KCNJ6: variants seen among roughly 807,000 people sequenced by gnomAD.
KCNJ6 encodes G protein-activated inward rectifier potassium channel 2.
Under a neutral mutation model 34.2 loss-of-function variants are expected in KCNJ6, and 9 were observed. The ratio of observed to expected loss-of-function variants is 0.26; its 90% CI spans 0.16 to 0.46. The LOEUF is 0.46. Among genes scored for constraint, KCNJ6 ranks in the 20% least tolerant of loss-of-function variants. The pLI is 1.00. For synonymous variants in KCNJ6, 196 were observed against 207.1 expected (o/e 0.95, Z 0.46); for missense variants, 236 against 531.3 (o/e 0.44, Z 5.46).
At position 37,625,297 on chromosome 21, in the gene KCNJ6, C is replaced by G; in HGVS notation, c.1134G>C (p.Glu378Asp). ...KELAELASRA[E>D]LPLSWSVSSK... ...TGGATACAGACCAACTCAGGGGCAGCTCTGCCCTGCTGGCTAACTCGGCCA... is the reference window on the plus strand; with the variant it reads ...TGGATACAGACCAACTCAGGGGCAGGTCTGCCCTGCTGGCTAACTCGGCCA... The change falls in exon 4 of 4, where the codon GAG becomes GAC. Residue 378 changes from glutamate to aspartate, a missense_variant. Physicochemically the swap from Glu to Asp is conservative, Grantham distance 45. Transcript: ENST00000609713. The G allele has an allele frequency of 6.2e-7, 1 of 1,614,232 alleles. No homozygotes were observed. The highest frequency in any genetic ancestry group is 8.5e-7 in the Non-Finnish European group (1 of 1,180,024).
chr21:37,705,620 T>C (rs1237155706), intron 3 of KCNJ6, among the ~76,000 whole-genome samples: 2 of 152,158 alleles, frequency 1.3e-5, no homozygotes, highest in Admixed American at 6.5e-5. Context: ...ACAAGTATCA[T>C]TCCCATTTTT....
intron 3 of KCNJ6, among the ~76,000 whole-genome samples, chr21:37,626,567 C>T (rs1439057651): frequency 1.3e-5 from 2 of 152,126 alleles, no homozygotes; most frequent in African/African-American, 4.8e-5. Context: ...AAAAGTCCAG[C>T]CACCTCCTTG....
At chr21:37,762,425 G>A (rs893975577) in intron 2 of KCNJ6, among the ~76,000 whole-genome samples, 2 of 152,160 alleles carry the variant, frequency 1.3e-5, no homozygotes, top group African/African-American at 4.8e-5. Flanking sequence ...TAAAAACCAC[G>A]TGGTCCACAG....
At chr21:37,855,117 C>A (rs2055558127) in intron 1 of KCNJ6, among the ~76,000 whole-genome samples, 3 of 152,234 alleles carry the variant, frequency 2.0e-5, no homozygotes, top group African/African-American at 7.2e-5. Context: ...GAATTGAAAT[C>A]ATACCGAGTA....
At chr21:37,814,693 T>C (rs1445226545) in intron 2 of KCNJ6, among the ~76,000 whole-genome samples, 1 of 151,932 alleles carries the variant, frequency 6.6e-6, no homozygotes, top group Non-Finnish European at 1.5e-5. Context: ...AGTCAAGAGA[T>C]CGAGGCCATC....
At chr21:37,830,600 A>T (rs1439251102) in intron 2 of KCNJ6, among the ~76,000 whole-genome samples, 1 of 152,170 alleles carries the variant, frequency 6.6e-6, no homozygotes, top group African/African-American at 2.4e-5. Context: ...ACGCTGAGAA[A>T]GCCCAGTTCA....
At chr21:37,881,991 G>C (rs1473912072) in intron 1 of KCNJ6, among the ~76,000 whole-genome samples, 2 of 152,112 alleles carry the variant, frequency 1.3e-5, no homozygotes, top group African/African-American at 2.4e-5. Flanking sequence ...ACATTATAGG[G>C]CTTCTGTGTT....
intron 1 of KCNJ6, among the ~76,000 whole-genome samples, chr21:37,876,109 G>C (rs1019737077): frequency 1.3e-5 from 2 of 152,210 alleles, no homozygotes; most frequent in African/African-American, 4.8e-5. Context: ...AATGATGGCA[G>C]AGCATTAAAT....
chr21:37,771,161 G>T (rs1259349710), intron 2 of KCNJ6, among the ~76,000 whole-genome samples: 1 of 152,054 alleles, frequency 6.6e-6, no homozygotes, highest in African/African-American at 2.4e-5. Flanking sequence ...GGTCTTTTAG[G>T]TATCAACATG....
intron 1 of KCNJ6, among the ~76,000 whole-genome samples, chr21:37,898,203 C>T (rs966593088): frequency 6.6e-6 from 1 of 152,214 alleles, no homozygotes; most frequent in Non-Finnish European, 1.5e-5. Flanking sequence ...CTGATTTGTA[C>T]ATTTGAGTGG....
At chr21:37,773,812 A>C (rs2055129094) in intron 2 of KCNJ6, among the ~76,000 whole-genome samples, 1 of 152,042 alleles carries the variant, frequency 6.6e-6, no homozygotes, top group African/African-American at 2.4e-5. Flanking sequence ...CAATCTTGTC[A>C]TGAATTTTTG....
intron 2 of KCNJ6, among the ~76,000 whole-genome samples, chr21:37,724,654 A>C (rs1237848982): frequency 2.6e-5 from 4 of 152,190 alleles, no homozygotes; most frequent in Non-Finnish European, 5.9e-5. Flanking sequence ...GCAGAGGATC[A>C]TGTTCGTTTG....
intron 2 of KCNJ6, among the ~76,000 whole-genome samples, chr21:37,762,955 G>A (rs1234201821): frequency 3.9e-5 from 6 of 152,114 alleles, no homozygotes; most frequent in East Asian, 1.9e-4. Context: ...TGATTCAGCC[G>A]GGGAAATCTT....
At chr21:37,701,465 G>C (rs374697223) in intron 3 of KCNJ6, among the ~76,000 whole-genome samples, 2 of 152,184 alleles carry the variant, frequency 1.3e-5, no homozygotes, top group African/African-American at 4.8e-5. Flanking sequence ...GAGCAGTCTG[G>C]TTTGTGACCA....
intron 3 of KCNJ6, among the ~76,000 whole-genome samples, chr21:37,658,267 T>C (rs892841676): frequency 1.3e-5 from 2 of 152,162 alleles, no homozygotes; most frequent in Admixed American, 6.5e-5. Context: ...GAGATGGAAG[T>C]ATTTGGTCCC....
chr21:37,892,699 C>T (rs2055767957), intron 1 of KCNJ6, among the ~76,000 whole-genome samples: 1 of 152,106 alleles, frequency 6.6e-6, no homozygotes, highest in African/African-American at 2.4e-5. Flanking sequence ...GGGCATAGGG[C>T]TTAGGATGTC....
chr21:37,890,359 A>G (rs1374524515), intron 1 of KCNJ6, among the ~76,000 whole-genome samples: 2 of 152,208 alleles, frequency 1.3e-5, no homozygotes, highest in African/African-American at 4.8e-5. Context: ...GGTCCCTCCC[A>G]TGACTAGTGG....
rs2055082678 is a variant in KCNJ6 at position 37,764,713 on chromosome 21, G to A, written c.26-49582C>T. Among the ~76,000 whole-genome samples the A allele has an allele frequency of 1.3e-5, 2 of 152,212 alleles. 1 individual carries two copies. The highest frequency in any genetic ancestry group is 4.1e-4 in the South Asian group (2 of 4,836). Reference sequence around the variant, plus strand: ...TTTTTGATGGTGCTTTCCAAAATGAGTTTCCAGGCAGTCTGCAGTCAGTTG... The same window carrying A: ...TTTTTGATGGTGCTTTCCAAAATGAATTTCCAGGCAGTCTGCAGTCAGTTG... On this transcript the variant is annotated intron_variant, in intron 2 of 3. Transcript: ENST00000609713.
Position 37,806,974 on chromosome 21 carries a change from T to C in KCNJ6, c.25+33684A>G, listed in dbSNP as rs191975277. 2.0e-5 allele frequency among the ~76,000 whole-genome samples: 3 copies of C among 152,382 alleles called. No individual in the cohort carries two copies. In the East Asian group the frequency reaches 5.8e-4, roughly 29 times the overall value. On this transcript the variant is annotated intron_variant, in intron 2 of 3. Transcript: ENST00000609713. ...TTATTTTGGGAGTAGTAAATGGGAA[T>C]AACTTTCAATAGGATATGCAAACCA... is the stretch of plus-strand genomic sequence containing the variant.
Sources: gnomAD v4.1 joint callset for allele counts (sites outside exome capture counted in the v4.1 genomes callset) on GRCh38, gnomAD v4.1.1 for gene constraint, MANE v1.5 for transcripts, NCBI Gene and HGNC (gene_info 2026-07-23, HGNC 2026-07-21) for gene names.